The following DNAH7 variants were observed in gnomAD, a reference collection of about 807,000 sequenced individuals.
DNAH7 encodes the protein dynein axonemal heavy chain 7, also known as axonemal beta dynein heavy chain 7.
DNAH7 carries 397 observed loss-of-function variants against 444.6 expected under a neutral mutation model. The ratio of observed to expected loss-of-function variants is 0.89; its 90% CI spans 0.82 to 0.97. The LOEUF (loss-of-function observed/expected upper bound fraction) is 0.97. Among genes scored for constraint, DNAH7 ranks in the 50% least tolerant of loss-of-function variants. The pLI is 0.00. For missense variants in DNAH7, 4,902 were observed against 4,800.8 expected (o/e 1.02, Z -0.62); for synonymous variants, 1,636 against 1,624.4 (o/e 1.01, Z -0.17).
At position 195,817,695 on chromosome 2, in the gene DNAH7, C is replaced by A; in HGVS notation, c.9425+1G>T. 1 of 1,601,632 alleles carries A rather than the reference C, an allele frequency of 6.2e-7. No homozygotes were observed. The highest frequency in any genetic ancestry group is 8.5e-7 in the Non-Finnish European group (1 of 1,176,742). On this transcript the variant is annotated splice_donor_variant, in intron 50 of 64. Coordinates refer to ENST00000312428, the MANE Select transcript of DNAH7 (RefSeq NM_018897.3). LOFTEE classifies it high-confidence loss of function. ...ATAGTTCTGTTTATGACATTTAAAA[C>A]CTTTTATTTTCAGCTCCTTGTAATA...
intron 19 of DNAH7, among the ~76,000 whole-genome samples, chr2:195,939,844 G>T (rs972545457): frequency 6.6e-6 from 1 of 151,084 alleles, no homozygotes; most frequent in Non-Finnish European, 1.5e-5. Context: ...AGAAAATACG[G>T]TTTTGTCACT....
chr2:195,745,978 C>G (rs981781032), intron 63 of DNAH7, among the ~76,000 whole-genome samples: 14 of 152,290 alleles, frequency 9.2e-5, no homozygotes, highest in African/African-American at 2.6e-4. Context: ...CATAATGACA[C>G]AATCAAATTC....
At chr2:196,031,384 C>T (rs1231207813) in intron 5 of DNAH7, among the ~76,000 whole-genome samples, 2 of 152,218 alleles carry the variant, frequency 1.3e-5, no homozygotes, top group Admixed American at 6.5e-5. Context: ...GCCGTGAAGA[C>T]CTCTGACATG....
chr2:195,798,249 G>A (rs918124772), intron 55 of DNAH7, among the ~76,000 whole-genome samples: 4 of 152,174 alleles, frequency 2.6e-5, no homozygotes, highest in Admixed American at 2.6e-4. Context: ...GTATAATAGA[G>A]ATACCACCAT....
intron 28 of DNAH7, 104 bp downstream of exon 28, chr2:195,900,178 A>T (rs1686613385): frequency 1.6e-6 from 2 of 1,254,298 alleles, no homozygotes; most frequent in Non-Finnish European, 2.3e-6. Flanking sequence ...GATTTTTTTC[A>T]ATCAATTAAG....
intron 51 of DNAH7, among the ~76,000 whole-genome samples, chr2:195,812,203 C>A (rs1026221510): frequency 6.6e-6 from 1 of 152,094 alleles, no homozygotes; most frequent in Non-Finnish European, 1.5e-5. Flanking sequence ...TAACGCCCTG[C>A]CCATCAAACT....
At chr2:195,811,671 A>C (rs1266250052) in intron 51 of DNAH7, among the ~76,000 whole-genome samples, 1 of 152,180 alleles carries the variant, frequency 6.6e-6, no homozygotes, top group Non-Finnish European at 1.5e-5. Context: ...TAATACAAAA[A>C]TTATGGTACA....
chr2:195,906,851 CT>C (rs1278972456), intron 26 of DNAH7, 55 bp downstream of exon 26: 1 of 1,607,316 alleles, frequency 6.2e-7, no homozygotes, highest in Non-Finnish European at 8.5e-7. Flanking sequence ...GTGCCATTCA[CT>C]ACCTCTCATA....
chr2:196,065,424 C>T (rs952159546), intron 1 of DNAH7, among the ~76,000 whole-genome samples: 2 of 152,146 alleles, frequency 1.3e-5, no homozygotes, highest in Non-Finnish European at 2.9e-5. Context: ...GGACAGGGAA[C>T]TATGAAGATT....
At chr2:195,923,096 T>A (rs1176820642) in intron 23 of DNAH7, among the ~76,000 whole-genome samples, 1 of 152,158 alleles carries the variant, frequency 6.6e-6, no homozygotes, top group Non-Finnish European at 1.5e-5. Flanking sequence ...ACTCCTGACC[T>A]CAAGTGATCT....
Position 196,064,341 on chromosome 2 carries a change from AAATAAATAATAAAT to A in DNAH7, c.15+4342_15+4355del, listed in dbSNP as rs772506681. On this transcript the variant is annotated intron_variant, in intron 1 of 64. Transcript: ENST00000312428. The stretch of plus-strand genomic sequence containing the variant: ...AAAATAAATAAATAAATAAATAAAT[AAATAAATAATAAAT>A]AATAAATAAATAATAAAAAGAAAAA... 5.9e-3 allele frequency among the ~76,000 whole-genome samples: 221 copies of A among 37,340 alleles called. 1 individual carries two copies. Among genetic ancestry groups the A allele is most frequent in the African/African-American group, 9.6e-3 (203 of 21,172 alleles). The allele number at this position is 37,340 out of a possible 152,430, so 24.5% of individuals were successfully genotyped here.
At chr2:196,010,228 C>A (rs1360701187) in intron 10 of DNAH7, among the ~76,000 whole-genome samples, 1 of 151,822 alleles carries the variant, frequency 6.6e-6, no homozygotes, top group Non-Finnish European at 1.5e-5. Context: ...TGGCTCACTG[C>A]AACTTCCACC....
At position 195,923,564 on chromosome 2, in the gene DNAH7, G is replaced by A. The variant is rs747831811; in HGVS notation, c.3825+31C>T. 8 of 1,597,470 alleles carry A rather than the reference G, an allele frequency of 5.0e-6. No individual in the cohort carries two copies. In the Admixed American group the frequency reaches 6.7e-5, roughly 13 times the overall value. On this transcript the variant is annotated intron_variant, in intron 23 of 64. Coordinates refer to ENST00000312428, the MANE Select transcript of DNAH7 (RefSeq NM_018897.3). ...TTTAAAACTACGAGCTGAAATTGCTGTGTAATATAACATTCAGTGATACCA... is the reference window on the plus strand; with the variant it reads ...TTTAAAACTACGAGCTGAAATTGCTATGTAATATAACATTCAGTGATACCA...
At chr2:195,758,849 C>G (rs1048552827) in intron 61 of DNAH7, among the ~76,000 whole-genome samples, 2 of 152,236 alleles carry the variant, frequency 1.3e-5, no homozygotes, top group Non-Finnish European at 2.9e-5. Flanking sequence ...TAGACCAACC[C>G]TAACTACAGG....
At chr2:196,060,243 A>C (rs1698062792) in intron 1 of DNAH7, among the ~76,000 whole-genome samples, 1 of 152,100 alleles carries the variant, frequency 6.6e-6, no homozygotes, top group African/African-American at 2.4e-5. Context: ...AAAAACAAAC[A>C]AACAAAAAAA....
chr2:195,860,726 AAC>A (rs1699968222), intron 42 of DNAH7, among the ~76,000 whole-genome samples: 1 of 152,170 alleles, frequency 6.6e-6, no homozygotes, highest in Non-Finnish European at 1.5e-5. Context: ...ATAAAAATCA[AAC>A]TCATAGTATT....
intron 45 of DNAH7, 78 bp from the exon 46 acceptor site, chr2:195,853,606 A>G (rs1016138545): frequency 1.5e-6 from 2 of 1,373,818 alleles, no homozygotes; most frequent in African/African-American, 2.9e-5. Context: ...TACCCTCAGA[A>G]GTGAATTATT....
chr2:195,896,157 A>G (rs994779215), intron 29 of DNAH7, among the ~76,000 whole-genome samples: 9 of 152,348 alleles, frequency 5.9e-5, no homozygotes, highest in Non-Finnish European at 1.2e-4. Flanking sequence ...GGTTGTACTA[A>G]GTCATGTTCC....
intron 17 of DNAH7, 109 bp from the exon 18 acceptor site, chr2:195,961,054 G>T: frequency 2.3e-6 from 2 of 862,544 alleles, no homozygotes; most frequent in Non-Finnish European, 3.2e-6. Context: ...ACCTTACTAA[G>T]CCCTGAAGTT....
Sources: allele counts gnomAD v4.1 joint callset (sites outside exome capture counted in the v4.1 genomes callset), GRCh38; gene constraint gnomAD v4.1.1; transcripts MANE v1.5; gene names NCBI Gene and HGNC (gene_info 2026-07-23, HGNC 2026-07-21).